CNTFR: variants seen among roughly 807,000 people sequenced by gnomAD.
The protein encoded by CNTFR is ciliary neurotrophic factor receptor, also known as ciliary neurotrophic factor receptor subunit alpha.
In CNTFR, 12 loss-of-function variants were observed where a neutral mutation model predicts 40.4. That is an observed-to-expected ratio of 0.30 (90% CI 0.19 to 0.48). The LOEUF is 0.48. Among genes scored for constraint, CNTFR ranks in the 20% least tolerant of loss-of-function variants. The pLI, the probability that CNTFR is intolerant of heterozygous loss-of-function variation, is 0.99. For missense variants in CNTFR, 414 were observed against 506.8 expected, an observed-to-expected ratio of 0.82 and a Z score of 1.76; for synonymous variants, 202 against 209.6, an observed-to-expected ratio of 0.96 and a Z score of 0.31.
intron 1 of CNTFR, among the ~76,000 whole-genome samples, chr9:34,587,650 G>A (rs1827600393): frequency 6.6e-6 from 1 of 152,274 alleles, no homozygotes; most frequent in Non-Finnish European, 1.5e-5. Context: ...TGTCCTCAGC[G>A]AGTCCTTGAG....
chr9:34,555,808 TG>T (rs1031250726), intron 7 of CNTFR, among the ~76,000 whole-genome samples: 12 of 151,984 alleles, frequency 7.9e-5, no homozygotes, highest in Non-Finnish European at 1.6e-4. Context: ...GCCCAGAGCC[TG>T]GGCCAGAGTG....
At chr9:34,556,540 G>A (rs962191472) in intron 6 of CNTFR, 122 bp from the exon 7 acceptor site, 40 of 949,876 alleles carry the variant, frequency 4.2e-5, no homozygotes, top group Non-Finnish European at 5.8e-5. Context: ...CATAGTCAGC[G>A]TGCCTCTTCT....
rs41274853 is a variant in CNTFR, at chr9:34,551,898, G to A, written c.*173C>T. The A allele has an allele frequency of 0.14, 95,556 of 701,960 alleles. 7,464 individuals are homozygous for A. Among genetic ancestry groups the A allele is most frequent in the East Asian group, 0.3 (11,234 of 37,214 alleles). 43.5% of individuals were successfully genotyped at this position (701,960 alleles called of 1,614,324 possible). Reference sequence around the variant, plus strand: ...GAGGAAGGAGGGCCAGCTTGGTGCGGCAGGGCTGGGGGGCGGCAGGCCCGG... The same window carrying A: ...GAGGAAGGAGGGCCAGCTTGGTGCGACAGGGCTGGGGGGCGGCAGGCCCGG... On this transcript the variant is annotated 3_prime_UTR_variant, in exon 10 of 10. Coordinates refer to ENST00000378980, the MANE Select transcript of CNTFR (RefSeq NM_147164.3).
At chr9:34,582,339 TGAAACTGAGGCTCA>T (rs1827347192) in intron 1 of CNTFR, 1 of 150,188 alleles carries the variant, frequency 6.7e-6, no homozygotes, top group Admixed American at 6.6e-5. Context: ...TTACAGATCC[TGAAACTGAGGCTCA>T]GAGAGCAGAA....
intron 2 of CNTFR, among the ~76,000 whole-genome samples, chr9:34,577,987 A>G (rs972863167): frequency 4.6e-5 from 7 of 151,186 alleles, no homozygotes; most frequent in African/African-American, 1.7e-4. Context: ...CGGGGGTGAC[A>G]AGTCCTCCGG....
intron 1 of CNTFR, among the ~76,000 whole-genome samples, chr9:34,588,760 A>C (rs898051581): frequency 1.3e-5 from 2 of 152,146 alleles, no homozygotes; most frequent in African/African-American, 4.8e-5. Context: ...TCGGGAGAGG[A>C]GAGGAGCCGA....
At chr9:34,565,089 CTG>C (rs1289444103) in intron 3 of CNTFR, among the ~76,000 whole-genome samples, 5 of 151,994 alleles carry the variant, frequency 3.3e-5, no homozygotes, top group African/African-American at 1.2e-4. Flanking sequence ...GGGCGATCTT[CTG>C]TGTGTGTGTG....
chr9:34,570,296 T>C (rs1826531235), intron 2 of CNTFR, among the ~76,000 whole-genome samples: 1 of 151,704 alleles, frequency 6.6e-6, no homozygotes. Context: ...GACAGGTAGA[T>C]GAAACCAGAT....
rs1195072336 is a variant in CNTFR, at chr9:34,589,081, G to T, written c.-112+474C>A. On this transcript the variant is annotated intron_variant, in intron 1 of 9. Transcript: ENST00000378980. The surrounding 1 kb of genome is among the most constrained non-coding windows in gnomAD (Gnocchi z 4.4). ...TGCACACACACACGCGCGCGCGGGC[G>T]CGCGGATTCACACGGACACACATGC... Among the ~76,000 whole-genome samples, 4 of 152,196 alleles carry T rather than the reference G, an allele frequency of 2.6e-5. No homozygotes were observed. In the East Asian group the frequency reaches 5.8e-4, roughly 22 times the overall value.
rs374204789 is a variant in CNTFR at position 34,557,652 on chromosome 9, G to A, written c.478C>T (p.Leu160Phe). ...KIMVCEKDPA[L>F]KNRCHIRYMH... Reference sequence around the variant, plus strand: ...TAGCGAATGTGGCAGCGGTTCTTGAGGGCTGGGTCCTTCTCACAGACCATA... The same window carrying A: ...TAGCGAATGTGGCAGCGGTTCTTGAAGGCTGGGTCCTTCTCACAGACCATA... Residue 160 changes from leucine (L) to phenylalanine (F), a missense_variant, in exon 6 of 10, where the codon CTC becomes TTC. Coordinates refer to ENST00000378980, the MANE Select transcript of CNTFR (RefSeq NM_147164.3). The surrounding 1 kb of genome is among the most constrained non-coding windows in gnomAD (Gnocchi z 4.2). 6.2e-7 allele frequency: 1 copy of A among 1,614,188 alleles called. No individual in the cohort carries two copies. Among genetic ancestry groups the A allele is most frequent in the Non-Finnish European group, 8.5e-7 (1 of 1,180,026 alleles).
At chr9:34,560,522 C>G (rs957215672) in intron 4 of CNTFR, among the ~76,000 whole-genome samples, 4 of 152,244 alleles carry the variant, frequency 2.6e-5, no homozygotes, top group African/African-American at 7.2e-5. Flanking sequence ...AGAGCTCATA[C>G]ATGAGGCAGT....
intron 1 of CNTFR, among the ~76,000 whole-genome samples, chr9:34,588,719 C>G (rs550376132): frequency 6.6e-6 from 1 of 152,316 alleles, no homozygotes; most frequent in South Asian, 2.1e-4. Context: ...AGGGAGCGAG[C>G]AAGCGAGCGA....
At chr9:34,559,209 G>A (rs1180230223) in intron 4 of CNTFR, among the ~76,000 whole-genome samples, 1 of 152,202 alleles carries the variant, frequency 6.6e-6, no homozygotes, top group Non-Finnish European at 1.5e-5. Context: ...GGTGACACAG[G>A]GGAACAGTGG....
At chr9:34,587,112 C>T (rs1201453004) in intron 1 of CNTFR, among the ~76,000 whole-genome samples, 2 of 152,168 alleles carry the variant, frequency 1.3e-5, no homozygotes, top group Admixed American at 6.5e-5. Flanking sequence ...GGTCTCAGCA[C>T]GCATCTGACT....
chr9:34,578,346 T>C (rs891588100), intron 2 of CNTFR, among the ~76,000 whole-genome samples: 11 of 152,066 alleles, frequency 7.2e-5, no homozygotes, highest in African/African-American at 2.4e-4. Flanking sequence ...TTGAATCTAA[T>C]TGTCTGAGTC....
intron 2 of CNTFR, among the ~76,000 whole-genome samples, chr9:34,574,828 T>G (rs180884804): frequency 6.6e-6 from 1 of 152,346 alleles, no homozygotes; most frequent in Admixed American, 6.5e-5. Flanking sequence ...AGCATGTGCG[T>G]GCCCTGCTGC....
chr9:34,552,004 C>T lies in CNTFR; in HGVS notation c.*67G>A, dbSNP rs1825642002. 8.8e-6 allele frequency: 8 copies of T among 905,074 alleles called. No homozygotes were observed. Among genetic ancestry groups the T allele is most frequent in the South Asian group, 7.0e-5 (5 of 71,926 alleles). 56.1% of individuals were successfully genotyped at this position (905,074 alleles called of 1,614,324 possible). A position where few individuals can be genotyped will look rare whatever the true frequency, so the allele number is the denominator to read the frequency against. On this transcript the variant is annotated 3_prime_UTR_variant, in exon 10 of 10. Coordinates refer to ENST00000378980, the MANE Select transcript of CNTFR (RefSeq NM_147164.3). This position sits in a 1 kb window ranked among gnomAD's most constrained non-coding sequence, Gnocchi z 5.1. The stretch of plus-strand genomic sequence containing the variant: ...CCGTGTGCAAAATAGAAACCGGGGT[C>T]TGCAGGCTCAGCTCCGGCCTCCTGC...
chr9:34,552,519 C>T lies in CNTFR; in HGVS notation c.949+155G>A, dbSNP rs1825676486. Among the ~76,000 whole-genome samples, 2 of 152,118 alleles carry T rather than the reference C, an allele frequency of 1.3e-5. No homozygotes were observed. Among genetic ancestry groups the T allele is most frequent in the South Asian group, 4.1e-4 (2 of 4,822 alleles). ...ACCCCTACCAAGGATGTCCAGATAG[C>T]AAGGACCAGGAATGGCAGGAGTTGG... On this transcript the variant is annotated intron_variant, in intron 8 of 9. Coordinates refer to ENST00000378980, the MANE Select transcript of CNTFR (RefSeq NM_147164.3). The surrounding 1 kb of genome is among the most constrained non-coding windows in gnomAD (Gnocchi z 5.1).
At chr9:34,573,144 TC>T (rs1225765626) in intron 2 of CNTFR, among the ~76,000 whole-genome samples, 1 of 5,114 alleles carries the variant, frequency 2.0e-4, no homozygotes, top group African/African-American at 2.2e-4. Context: ...CCAGCAATGT[TC>T]CGGGTTGCCC....
Sources: allele counts gnomAD v4.1 joint callset (sites outside exome capture counted in the v4.1 genomes callset), GRCh38; gene constraint gnomAD v4.1.1; non-coding constraint Gnocchi (gnomAD v3.1); transcripts MANE v1.5; gene names NCBI Gene and HGNC (gene_info 2026-07-23, HGNC 2026-07-21).